The following ERC1 variants were observed in gnomAD, a reference collection of about 807,000 sequenced individuals.
The protein encoded by ERC1 is ELKS/RAB6-interacting/CAST family member 1.
ERC1 carries 56 observed loss-of-function variants against 132.0 expected under a neutral mutation model. The ratio of observed to expected loss-of-function variants is 0.42; its 90% CI spans 0.34 to 0.53. ERC1 has a LOEUF of 0.53. Among genes scored for constraint, ERC1 ranks in the 20% least tolerant of loss-of-function variants. The pLI is 0.03. For missense variants in ERC1, 1,202 were observed against 1,349.9 expected (o/e 0.89, Z 1.72); for synonymous variants, 478 against 476.1 (o/e 1.00, Z -0.05).
intron 11 of ERC1, among the ~76,000 whole-genome samples, chr12:1,188,770 T>C (rs1000770974): frequency 6.6e-6 from 1 of 152,188 alleles, no homozygotes; most frequent in Non-Finnish European, 1.5e-5. Context: ...TCTGAAATAT[T>C]TCCTAAGAAT....
intron 18 of ERC1, among the ~76,000 whole-genome samples, chr12:1,460,981 T>TTTTTC (rs61029874): frequency 7.3e-6 from 1 of 137,832 alleles, no homozygotes; most frequent in African/African-American, 2.9e-5. Context: ...TTTTTTTTTT[T>TTTTTC]CATTTTTCTA....
chr12:1,060,977 C>T (rs996399670), intron 2 of ERC1, among the ~76,000 whole-genome samples: 2 of 151,984 alleles, frequency 1.3e-5, no homozygotes, highest in African/African-American at 2.4e-5. Flanking sequence ...CCACCTGCCT[C>T]GGGCCCCCCA....
At chr12:1,044,501 G>A (rs1166704513) in intron 2 of ERC1, among the ~76,000 whole-genome samples, 4 of 152,002 alleles carry the variant, frequency 2.6e-5, no homozygotes, top group African/African-American at 4.8e-5. Context: ...TGACAAATGG[G>A]GATCATAATA....
rs191264300 is a variant in ERC1 at position 1,146,287 on chromosome 12, C to T, written c.1737+4500C>T. 4.1e-3 allele frequency among the ~76,000 whole-genome samples: 360 copies of T among 87,996 alleles called. 1 individual carries two copies. The highest frequency in any genetic ancestry group is 0.029 in the Middle Eastern group (4 of 136). 57.7% of individuals were successfully genotyped at this position (87,996 alleles called of 152,430 possible). The stretch of plus-strand genomic sequence containing the variant: ...TTTTCCTTGTAGAGGTCTTTCATTT[C>T]CTTGTTTAGGTATTTTACTGGTTTT... On this transcript the variant is annotated intron_variant, in intron 8 of 18. Coordinates refer to ENST00000360905, the MANE Select transcript of ERC1 (RefSeq NM_178040.4).
At chr12:1,104,852 A>G (rs371101319) in intron 4 of ERC1, 28 bp downstream of exon 4, 1 of 1,471,420 alleles carries the variant, frequency 6.8e-7, no homozygotes, top group Non-Finnish European at 9.5e-7. Context: ...AAAGAATCTT[A>G]TGAATTACCT....
Position 1,398,946 on chromosome 12 carries a change from TTTTTTTTTTTTTTTG to T in ERC1, c.2926-9200_2926-9186del, listed in dbSNP as rs1331455670. ...TTTCTCCTACTTTTTTTTTTTTTTTTTTTTTTTTTTTTTTGTTGAAACAAGGTCTCACTCTGTCAA... is the reference window on the plus strand; with the variant it reads ...TTTCTCCTACTTTTTTTTTTTTTTTTTTGAAACAAGGTCTCACTCTGTCAA... On this transcript the variant is annotated intron_variant, in intron 16 of 18. Transcript: ENST00000360905. Among the ~76,000 whole-genome samples the T allele has an allele frequency of 1.4e-3, 134 of 95,840 alleles. 3 individuals carry two copies. The highest frequency in any genetic ancestry group is 7.6e-3 in the African/African-American group (128 of 16,798). The allele number at this position is 95,840 out of a possible 152,430, so 62.9% of individuals were successfully genotyped here.
chr12:1,482,738 C>T (rs534421692), intron 18 of ERC1, among the ~76,000 whole-genome samples: 30 of 152,246 alleles, frequency 2.0e-4, no homozygotes, highest in African/African-American at 6.3e-4. Flanking sequence ...TGAGCCACTG[C>T]ACCTGGCCAA....
chr12:1,479,988 C>T (rs1046857217), intron 18 of ERC1, among the ~76,000 whole-genome samples: 7 of 152,154 alleles, frequency 4.6e-5, no homozygotes, highest in Non-Finnish European at 8.8e-5. Flanking sequence ...TTTAACAAAG[C>T]ATGTTCCATT....
At chr12:1,386,931 G>C (rs1236971014) in intron 16 of ERC1, 1 of 152,356 alleles carries the variant, frequency 6.6e-6, no homozygotes, top group African/African-American at 2.4e-5. Flanking sequence ...GCAGAAGCCA[G>C]GGGAGCCACC....
rs188893305 is a variant in ERC1, at chr12:1,477,348, C to G, written c.3214-12745C>G. 1.3e-3 allele frequency among the ~76,000 whole-genome samples: 198 copies of G among 152,316 alleles called. 1 individual carries two copies. The Middle Eastern group carries it at 0.017, about 13-fold the overall frequency. ...AGTTGCTGTTATTATCACCCTCCCC[C>G]CTTTTAAAGCTAAAGGTAAACACAT... is the stretch of plus-strand genomic sequence containing the variant. On this transcript the variant is annotated intron_variant, in intron 18 of 18. Coordinates refer to ENST00000360905, the MANE Select transcript of ERC1 (RefSeq NM_178040.4).
At chr12:1,271,350 T>A (rs1344415111) in intron 14 of ERC1, among the ~76,000 whole-genome samples, 1 of 152,054 alleles carries the variant, frequency 6.6e-6, no homozygotes, top group Admixed American at 6.6e-5. Context: ...CTAAAAGGAT[T>A]TGGTGAATTA....
chr12:1,494,983 C>T lies in ERC1; in HGVS notation c.*4753C>T, dbSNP rs2094346875. 2 of 230,446 alleles carry T rather than the reference C, an allele frequency of 8.7e-6. No homozygotes were observed. Among genetic ancestry groups the T allele is most frequent in the Non-Finnish European group, 1.7e-5 (2 of 116,412 alleles). 14.3% of individuals were successfully genotyped at this position (230,446 alleles called of 1,614,324 possible). On this transcript the variant is annotated 3_prime_UTR_variant, in exon 19 of 19. Coordinates refer to ENST00000360905, the MANE Select transcript of ERC1 (RefSeq NM_178040.4). Reference sequence around the variant, plus strand: ...TGCCTGCCTGGGCAAGAGACACCTGCCGAGCAAAAGGAACGAGAATCTGGG... The same window carrying T: ...TGCCTGCCTGGGCAAGAGACACCTGTCGAGCAAAAGGAACGAGAATCTGGG...
At chr12:1,314,922 A>G (rs1429002250) in intron 15 of ERC1, among the ~76,000 whole-genome samples, 1 of 152,210 alleles carries the variant, frequency 6.6e-6, no homozygotes, top group East Asian at 1.9e-4. Context: ...AACTTTCAGA[A>G]GTAGTTTTCT....
chr12:1,377,031 A>C (rs2088016179), intron 16 of ERC1, among the ~76,000 whole-genome samples: 1 of 152,290 alleles, frequency 6.6e-6, no homozygotes, highest in South Asian at 2.1e-4. Flanking sequence ...ATTTTCATAC[A>C]GTAGTTTTCT....
At chr12:1,124,085 A>G (rs1448874860) in intron 7 of ERC1, among the ~76,000 whole-genome samples, 1 of 152,248 alleles carries the variant, frequency 6.6e-6, no homozygotes, top group Non-Finnish European at 1.5e-5. Context: ...AATTTGATCA[A>G]ATAAAGAAGC....
intron 12 of ERC1, chr12:1,204,192 T>C (rs1222789137): frequency 1.5e-5 from 4 of 272,968 alleles, no homozygotes; most frequent in Middle Eastern, 1.2e-3. Flanking sequence ...ACCTTCTCTA[T>C]TTTTCTTAGT....
intron 15 of ERC1, among the ~76,000 whole-genome samples, chr12:1,369,688 A>T (rs144287561): frequency 1.6e-4 from 25 of 152,042 alleles, no homozygotes; most frequent in East Asian, 1.2e-3. Flanking sequence ...CACTTAACAT[A>T]TTTTTTTCAA....
chr12:1,424,884 A>C (rs182380317), intron 17 of ERC1, among the ~76,000 whole-genome samples: 62 of 147,550 alleles, frequency 4.2e-4, no homozygotes, highest in African/African-American at 1.4e-3. Context: ...ATAGATAGAT[A>C]GATAGATAGA....
At chr12:1,380,983 C>T (rs1046932026) in intron 16 of ERC1, 3 of 152,132 alleles carry the variant, frequency 2.0e-5, no homozygotes, top group Admixed American at 6.5e-5. Flanking sequence ...TTTAAATCCT[C>T]GATAATGAGG....
Sources: gnomAD v4.1 joint callset for allele counts (sites outside exome capture counted in the v4.1 genomes callset) on GRCh38, gnomAD v4.1.1 for gene constraint, MANE v1.5 for transcripts, NCBI Gene and HGNC (gene_info 2026-07-23, HGNC 2026-07-21) for gene names.